The following NRXN3 variants were observed in gnomAD, a reference collection of about 807,000 sequenced individuals.
NRXN3 encodes the protein neurexin III.
A neutral mutation model predicts 137.6 loss-of-function variants in NRXN3; 32 were observed. The observed-to-expected ratio is 0.23, with a 90% CI of 0.18 to 0.31. The LOEUF (loss-of-function observed/expected upper bound fraction) is 0.31, where lower values mean the gene tolerates loss of function less well. Among genes scored for constraint, NRXN3 ranks in the 10% least tolerant of loss-of-function variants. The probability of loss-of-function intolerance (pLI) is 1.00; values close to 1 mark genes in which losing one functional copy is unlikely to be tolerated. For synonymous variants in NRXN3, 798 were observed against 784.5 expected (o/e 1.02, Z -0.29); for missense variants, 1,574 against 2,062.5 (o/e 0.76, Z 4.59).
At chr14:78,249,105 T>TC in intron 2 of NRXN3, among the ~76,000 whole-genome samples, 1 of 152,160 alleles carries the variant, frequency 6.6e-6, no homozygotes, top group South Asian at 2.1e-4. Context: ...TTTTAAAATC[T>TC]CCCCCCTCCC....
At chr14:78,224,248 G>T (rs573299163) in intron 1 of NRXN3, among the ~76,000 whole-genome samples, 36 of 150,242 alleles carry the variant, frequency 2.4e-4, no homozygotes, top group Admixed American at 5.3e-4. Flanking sequence ...ATGAGACATT[G>T]TCATACCTAC....
chr14:78,528,133 G>A (rs1303056697), intron 4 of NRXN3, among the ~76,000 whole-genome samples: 2 of 152,178 alleles, frequency 1.3e-5, no homozygotes, highest in Admixed American at 6.5e-5. Context: ...ATTCTTCTGT[G>A]AGTTTGAGGG....
chr14:79,068,188 C>T (rs2099683159), intron 15 of NRXN3, among the ~76,000 whole-genome samples: 1 of 152,030 alleles, frequency 6.6e-6, no homozygotes, highest in Non-Finnish European at 1.5e-5. Flanking sequence ...GCAGGTATTT[C>T]ATTGTACAAG....
intron 4 of NRXN3, among the ~76,000 whole-genome samples, chr14:78,339,993 C>T (rs1477516319): frequency 6.6e-6 from 1 of 152,084 alleles, no homozygotes; most frequent in Non-Finnish European, 1.5e-5. Context: ...TGTAGTCTAC[C>T]AACAGCTGAA....
intron 1 of NRXN3, among the ~76,000 whole-genome samples, chr14:78,205,378 A>G (rs567703775): frequency 8.1e-4 from 123 of 152,292 alleles, no homozygotes; most frequent in Middle Eastern, 6.8e-3. Context: ...GCATGGTGCA[A>G]TGTGTCATGT....
intron 15 of NRXN3, among the ~76,000 whole-genome samples, chr14:79,095,464 G>A (rs994900576): frequency 6.6e-6 from 1 of 151,986 alleles, no homozygotes; most frequent in African/African-American, 2.4e-5. Flanking sequence ...GAGTTATCAA[G>A]GAACTTCATT....
intron 4 of NRXN3, among the ~76,000 whole-genome samples, chr14:78,435,890 C>T (rs919766247): frequency 2.0e-5 from 3 of 152,320 alleles, no homozygotes; most frequent in African/African-American, 4.8e-5. Context: ...TTGCAGTGGG[C>T]TGTTCCCCAA....
intron 16 of NRXN3, among the ~76,000 whole-genome samples, chr14:79,598,426 C>T (rs2097885102): frequency 1.3e-5 from 2 of 152,092 alleles, no homozygotes; most frequent in African/African-American, 4.8e-5. Flanking sequence ...AGTCTTCTAC[C>T]AGAGGTTGAA....
At chr14:78,558,364 A>G (rs572980303) in intron 4 of NRXN3, among the ~76,000 whole-genome samples, 2 of 152,352 alleles carry the variant, frequency 1.3e-5, no homozygotes, top group Non-Finnish European at 2.9e-5. Flanking sequence ...GTTATCCAAC[A>G]GTTCTAACAT....
At chr14:78,845,516 A>C (rs1261790151) in intron 10 of NRXN3, among the ~76,000 whole-genome samples, 1 of 151,932 alleles carries the variant, frequency 6.6e-6, no homozygotes, top group Admixed American at 6.6e-5. Flanking sequence ...TTCTACTTAT[A>C]TGATTTCCTC....
chr14:79,260,012 A>G (rs2153403516), intron 15 of NRXN3, among the ~76,000 whole-genome samples: 1 of 152,268 alleles, frequency 6.6e-6, no homozygotes, highest in South Asian at 2.1e-4. Flanking sequence ...AATTGCTGAT[A>G]AAGTAGAGCT....
chr14:78,433,962 G>T (rs531270725), intron 4 of NRXN3, among the ~76,000 whole-genome samples: 2 of 150,970 alleles, frequency 1.3e-5, no homozygotes, highest in African/African-American at 2.4e-5. Context: ...TGAAAATATT[G>T]TAAGTTGAAA....
At chr14:79,045,448 C>A (rs1004293180) in intron 15 of NRXN3, among the ~76,000 whole-genome samples, 1 of 152,132 alleles carries the variant, frequency 6.6e-6, no homozygotes, top group Non-Finnish European at 1.5e-5. Context: ...GAATCATGTC[C>A]TAGGATAATG....
At chr14:79,279,964 C>G in intron 15 of NRXN3, 2 of 1,145,764 alleles carry the variant, frequency 1.7e-6, no homozygotes, top group Non-Finnish European at 2.2e-6. Flanking sequence ...GCCTAGAGAT[C>G]CGGAGGAAGC....
At chr14:79,630,932 G>T (rs1029168381) in intron 16 of NRXN3, among the ~76,000 whole-genome samples, 8 of 152,200 alleles carry the variant, frequency 5.3e-5, no homozygotes, top group African/African-American at 1.9e-4. Flanking sequence ...TTTGGTACAA[G>T]CTCTGCATAA....
intron 15 of NRXN3, among the ~76,000 whole-genome samples, chr14:79,141,570 A>G (rs1596410689): frequency 6.6e-6 from 1 of 152,214 alleles, no homozygotes; most frequent in Admixed American, 6.5e-5. Flanking sequence ...TCTTTGGCTC[A>G]GGATCAGTGA....
intron 16 of NRXN3, among the ~76,000 whole-genome samples, chr14:79,656,996 C>G (rs1053923497): frequency 6.6e-6 from 1 of 152,120 alleles, no homozygotes; most frequent in Non-Finnish European, 1.5e-5. Context: ...ATGCCTCTGA[C>G]TCACCTGTCA....
intron 15 of NRXN3, among the ~76,000 whole-genome samples, chr14:79,449,667 C>T (rs1329831847): frequency 2.0e-5 from 3 of 152,062 alleles, no homozygotes; most frequent in African/African-American, 7.2e-5. Flanking sequence ...CCTATGTATG[C>T]AGTGTAAATA....
At position 79,272,622 on chromosome 14, in the gene NRXN3, C is replaced by T. The variant is rs566296071; in HGVS notation, c.3263-194599C>T. On this transcript the variant is annotated intron_variant, in intron 15 of 20. Coordinates refer to ENST00000335750, the MANE Select transcript of NRXN3 (RefSeq NM_001330195.2). ...GAGAAGTCACTAGAGAGCCCTTTCACGTCCCAGAGCAGATTAGGATCTTGA... is the reference window on the plus strand; with the variant it reads ...GAGAAGTCACTAGAGAGCCCTTTCATGTCCCAGAGCAGATTAGGATCTTGA... 4.6e-5 allele frequency among the ~76,000 whole-genome samples: 7 copies of T among 152,244 alleles called. No individual in the cohort carries two copies. The East Asian group carries it at 5.8e-4, about 13-fold the overall frequency.
Sources: gnomAD v4.1 joint callset for allele counts (sites outside exome capture counted in the v4.1 genomes callset) on GRCh38, gnomAD v4.1.1 for gene constraint, MANE v1.5 for transcripts, NCBI Gene and HGNC (gene_info 2026-07-23, HGNC 2026-07-21) for gene names.